The following TACR3 variants were observed in gnomAD, a reference collection of about 807,000 sequenced individuals.
TACR3 encodes tachykinin receptor 3, also known as neuromedin-K receptor.
TACR3 carries 34 observed loss-of-function variants against 35.0 expected under a neutral mutation model. That is an observed-to-expected ratio of 0.97 (90% CI 0.74 to 1.30). TACR3 has a LOEUF of 1.30. TACR3 is among the 50% of genes most tolerant of loss of function. TACR3 has a pLI of 0.00. For synonymous variants in TACR3, 233 were observed against 221.1 expected, an observed-to-expected ratio of 1.05 and a Z score of -0.48; for missense variants, 558 against 591.7, an observed-to-expected ratio of 0.94 and a Z score of 0.59.
chr4:103,712,926 T>C (rs1723003666), intron 1 of TACR3, among the ~76,000 whole-genome samples: 2 of 152,138 alleles, frequency 1.3e-5, no homozygotes, highest in Admixed American at 1.3e-4. Context: ...CACAATGACA[T>C]ACCATCTCAC....
At chr4:103,674,659 C>G (rs1726127695) in intron 1 of TACR3, among the ~76,000 whole-genome samples, 3 of 152,182 alleles carry the variant, frequency 2.0e-5, no homozygotes, top group Admixed American at 6.5e-5. Flanking sequence ...TCATGCCATT[C>G]TCCTGCCTCA....
chr4:103,597,803 T>C (rs1724074046), intron 3 of TACR3, among the ~76,000 whole-genome samples: 1 of 152,222 alleles, frequency 6.6e-6, no homozygotes, highest in Admixed American at 6.5e-5. Context: ...TATGGCTGCA[T>C]AGTATTCCAT....
rs188770158 is a variant in TACR3 at position 103,604,419 on chromosome 4, C to T, written c.889-12736G>A. Among the ~76,000 whole-genome samples, 13 of 152,216 alleles carry T rather than the reference C, an allele frequency of 8.5e-5. No individual in the cohort carries two copies. The East Asian group carries it at 2.5e-3, about 29-fold the overall frequency. ...ATGGATTAAAGAATTAAACATAAGA[C>T]CGAAAACCATAAAAACCCTAGAAGA... On this transcript the variant is annotated intron_variant, in intron 3 of 4. Transcript: ENST00000304883.
At chr4:103,601,996 C>T (rs139037516) in intron 3 of TACR3, among the ~76,000 whole-genome samples, 2,041 of 152,276 alleles carry the variant, frequency 0.013, 41 homozygotes, top group African/African-American at 0.044. Flanking sequence ...AACTTGGTTC[C>T]AATCTCCCCG....
At chr4:103,616,123 AG>A in intron 3 of TACR3, among the ~76,000 whole-genome samples, 2 of 152,364 alleles carry the variant, frequency 1.3e-5, no homozygotes, top group South Asian at 4.1e-4. Context: ...GGAAACTCCT[AG>A]ACAGGATAGT....
intron 3 of TACR3, among the ~76,000 whole-genome samples, chr4:103,596,255 G>C (rs1476850724): frequency 6.6e-6 from 1 of 151,744 alleles, no homozygotes; most frequent in South Asian, 2.1e-4. Flanking sequence ...TAATCCTTTG[G>C]GTATATACCC....
chr4:103,713,475 G>T (rs576215764), intron 1 of TACR3, among the ~76,000 whole-genome samples: 1 of 103,976 alleles, frequency 9.6e-6, no homozygotes, highest in Non-Finnish European at 1.8e-5. Context: ...CCTGTCATGG[G>T]GTGGGGGGAG....
intron 1 of TACR3, among the ~76,000 whole-genome samples, chr4:103,687,321 C>G (rs1231517727): frequency 6.6e-6 from 1 of 152,082 alleles, no homozygotes; most frequent in Non-Finnish European, 1.5e-5. Context: ...GAAGCATTCC[C>G]TTTGAAAACT....
chr4:103,708,815 C>T (rs1258965186), intron 1 of TACR3, among the ~76,000 whole-genome samples: 1 of 152,116 alleles, frequency 6.6e-6, no homozygotes, highest in Non-Finnish European at 1.5e-5. Context: ...CCTTAAATGA[C>T]CTGATAGAGG....
At chr4:103,629,614 C>T (rs1314286977) in intron 3 of TACR3, among the ~76,000 whole-genome samples, 2 of 152,140 alleles carry the variant, frequency 1.3e-5, no homozygotes, top group South Asian at 2.1e-4. Flanking sequence ...AGGAGAACTA[C>T]AAACCACTGC....
intron 1 of TACR3, among the ~76,000 whole-genome samples, chr4:103,660,390 G>A (rs746767089): frequency 2.6e-5 from 4 of 151,922 alleles, no homozygotes; most frequent in Admixed American, 1.3e-4. Flanking sequence ...ATTGCTCAGG[G>A]CTCAATGTAT....
chr4:103,610,716 T>C (rs1358985654), intron 3 of TACR3, among the ~76,000 whole-genome samples: 1 of 152,166 alleles, frequency 6.6e-6, no homozygotes, highest in Admixed American at 6.6e-5. Flanking sequence ...ATCAATGTCA[T>C]AAAGCATTTC....
At chr4:103,714,677 T>G (rs973094803) in intron 1 of TACR3, among the ~76,000 whole-genome samples, 1 of 152,178 alleles carries the variant, frequency 6.6e-6, no homozygotes, top group Admixed American at 6.5e-5. Flanking sequence ...ATTAACTGCA[T>G]GGAAAGTGAC....
chr4:103,643,418 T>G (rs1023278060), intron 3 of TACR3, among the ~76,000 whole-genome samples: 10 of 140,214 alleles, frequency 7.1e-5, no homozygotes, highest in African/African-American at 2.9e-4. Context: ...AGTGAGACAT[T>G]GTCTAAAAAA....
intron 1 of TACR3, among the ~76,000 whole-genome samples, chr4:103,688,949 C>A (rs979813798): frequency 6.6e-6 from 1 of 151,974 alleles, no homozygotes; most frequent in African/African-American, 2.4e-5. Context: ...CACATGCACG[C>A]GTATGTTTAT....
At chr4:103,629,865 A>AAAAC (rs1725012479) in intron 3 of TACR3, among the ~76,000 whole-genome samples, 20 of 130,504 alleles carry the variant, frequency 1.5e-4, no homozygotes, top group South Asian at 2.7e-4. Context: ...AAAAAACAAA[A>AAAAC]AAAAAACAAA....
chr4:103,647,976 AG>A (rs1725497588), intron 3 of TACR3, among the ~76,000 whole-genome samples: 1 of 152,066 alleles, frequency 6.6e-6, no homozygotes, highest in South Asian at 2.1e-4. Context: ...TATACTTCAA[AG>A]AATATAATTC....
chr4:103,615,252 G>A (rs1225025249), intron 3 of TACR3, among the ~76,000 whole-genome samples: 1 of 152,010 alleles, frequency 6.6e-6, no homozygotes, highest in Non-Finnish European at 1.5e-5. Context: ...AGGGACCATG[G>A]GTAACATGAA....
At chr4:103,650,754 ATT>A (rs1491359063) in intron 3 of TACR3, among the ~76,000 whole-genome samples, 4 of 91,278 alleles carry the variant, frequency 4.4e-5, no homozygotes, top group East Asian at 5.6e-4. Context: ...TAATATATAT[ATT>A]ATATATGATG....
Sources: gnomAD v4.1 joint callset for allele counts (sites outside exome capture counted in the v4.1 genomes callset) on GRCh38, gnomAD v4.1.1 for gene constraint, MANE v1.5 for transcripts, NCBI Gene and HGNC (gene_info 2026-07-23, HGNC 2026-07-21) for gene names.